MICAL3: variants seen among roughly 807,000 people sequenced by gnomAD.
MICAL3 encodes the protein [F-actin]-monooxygenase MICAL3.
Under a neutral mutation model 207.4 loss-of-function variants are expected in MICAL3, and 62 were observed. That is an observed-to-expected ratio of 0.30 (90% CI 0.24 to 0.37). MICAL3 has a LOEUF of 0.37. Ranked by LOEUF, MICAL3 falls within the 10% of genes least tolerant of loss-of-function variation. The pLI is 1.00. For missense variants in MICAL3, 2,368 were observed against 2,635.6 expected, an observed-to-expected ratio of 0.90 and a Z score of 2.22; for synonymous variants, 1,077 against 1,069.3, an observed-to-expected ratio of 1.01 and a Z score of -0.14.
intron 23 of MICAL3, 47 bp from the exon 24 acceptor site, chr22:17,822,217 C>T (rs751369575): frequency 7.0e-6 from 11 of 1,581,624 alleles, no homozygotes; most frequent in Non-Finnish European, 9.5e-6. Context: ...TAAGTGAGGC[C>T]AACTCCTTTT....
At chr22:17,877,370 G>A in intron 16 of MICAL3, among the ~76,000 whole-genome samples, 4 of 103,102 alleles carry the variant, frequency 3.9e-5, no homozygotes, top group Non-Finnish European at 5.6e-5. Flanking sequence ...TGGAGGTTAG[G>A]GAGGTGAGGG....
intron 16 of MICAL3, among the ~76,000 whole-genome samples, chr22:17,885,231 C>G (rs1179455195): frequency 6.6e-6 from 1 of 152,154 alleles, no homozygotes; most frequent in Non-Finnish European, 1.5e-5. Context: ...CGGGAAACAG[C>G]TGCAACACAC....
rs1276331403 is a variant in MICAL3 at position 17,789,371 on chromosome 22, CTTCT to C, written c.*1357_*1360del. 6.6e-6 allele frequency: 1 copy of C among 152,232 alleles called. No individual in the cohort carries two copies. The highest frequency in any genetic ancestry group is 1.5e-5 in the Non-Finnish European group (1 of 68,048). 9.4% of individuals were successfully genotyped at this position (152,232 alleles called of 1,614,324 possible). A position where few individuals can be genotyped will look rare whatever the true frequency, so the allele number is the denominator to read the frequency against. On this transcript the variant is annotated 3_prime_UTR_variant, in exon 32 of 32. Transcript: ENST00000441493. ...TGTGGATGAGGGCCCATCCTGAAAC[CTTCT>C]TTAACATATGTGCGGAGGAAGGTGA...
intron 16 of MICAL3, among the ~76,000 whole-genome samples, chr22:17,874,111 G>A (rs1362768015): frequency 2.0e-5 from 3 of 152,230 alleles, no homozygotes; most frequent in African/African-American, 4.8e-5. Flanking sequence ...CACACACGAC[G>A]AAGCCGTTCT....
intron 10 of MICAL3, among the ~76,000 whole-genome samples, chr22:17,895,048 T>C (rs1930711729): frequency 6.6e-6 from 1 of 152,232 alleles, no homozygotes; most frequent in African/African-American, 2.4e-5. Flanking sequence ...CATAAAGGCC[T>C]GGATTCCTAT....
At position 17,936,889 on chromosome 22, in the gene MICAL3, C is replaced by T. The variant is rs145168427; in HGVS notation, c.-74-30003G>A. ...GTGTGCAGGACAAGAGGGAACAGCA[C>T]GTGCTTGGTCTTGACTCCTTTGGTA... is the stretch of plus-strand genomic sequence containing the variant. On this transcript the variant is annotated intron_variant, in intron 1 of 31. Transcript: ENST00000441493. Among the ~76,000 whole-genome samples, 85 of 152,310 alleles carry T rather than the reference C, an allele frequency of 5.6e-4. 1 individual carries two copies. In the East Asian group the frequency reaches 0.015, roughly 27 times the overall value.
intron 1 of MICAL3, among the ~76,000 whole-genome samples, chr22:17,914,830 T>G (rs888651319): frequency 1.3e-5 from 2 of 152,216 alleles, no homozygotes; most frequent in African/African-American, 4.8e-5. Context: ...GTTGGCATTC[T>G]GCGGCAGGCT....
chr22:18,018,793 T>TACACACAC (rs371539980), intron 1 of MICAL3, among the ~76,000 whole-genome samples: 11 of 150,560 alleles, frequency 7.3e-5, no homozygotes, highest in African/African-American at 2.7e-4. Context: ...CATACACACA[T>TACACACAC]ACACACACAC....
chr22:17,961,413 C>T (rs1433454422), intron 1 of MICAL3, among the ~76,000 whole-genome samples: 2 of 152,150 alleles, frequency 1.3e-5, no homozygotes, highest in Admixed American at 6.5e-5. Context: ...CAGCCCCGGG[C>T]AACAGACACC....
intron 20 of MICAL3, 33 bp from the exon 21 acceptor site, chr22:17,832,140 GGAAT>G (rs751569752): frequency 1.9e-5 from 30 of 1,550,522 alleles, no homozygotes; most frequent in Non-Finnish European, 2.6e-5. Flanking sequence ...CCAGAGTGAG[GGAAT>G]GAAGAAAAAC....
intron 16 of MICAL3, chr22:17,875,405 G>T: frequency 1.6e-6 from 2 of 1,282,582 alleles, no homozygotes; most frequent in Non-Finnish European, 1.1e-6. Context: ...GTGAGTGGAG[G>T]CTGCGGAGGG....
intron 25 of MICAL3, among the ~76,000 whole-genome samples, chr22:17,819,679 C>T (rs1216394697): frequency 6.6e-6 from 1 of 152,136 alleles, no homozygotes; most frequent in East Asian, 1.9e-4. Flanking sequence ...GTGGCTCACA[C>T]CTGTAATCCC....
Position 17,815,266 on chromosome 22 carries a change from T to C in MICAL3, c.5445+1424A>G, listed in dbSNP as rs1336200158. On this transcript the variant is annotated intron_variant, in intron 27 of 31. Transcript: ENST00000441493. ...GGGGAGGCTCACCAAGTACCAGCCT[T>C]GGCACAGCCAACCCAGGCAGTAGGT... 3 of 152,260 alleles carry C rather than the reference T, an allele frequency of 2.0e-5. No homozygotes were observed. The East Asian group carries it at 5.8e-4, about 29-fold the overall frequency. The allele number at this position is 152,260 out of a possible 1,614,324, so 9.4% of individuals were successfully genotyped here. A position where few individuals can be genotyped will look rare whatever the true frequency, so the allele number is the denominator to read the frequency against.
intron 16 of MICAL3, among the ~76,000 whole-genome samples, chr22:17,878,699 A>G (rs1929125077): frequency 6.6e-6 from 1 of 152,198 alleles, no homozygotes; most frequent in Non-Finnish European, 1.5e-5. Flanking sequence ...CAAAAGTTTC[A>G]TAAAGTAAGC....
intron 1 of MICAL3, among the ~76,000 whole-genome samples, chr22:17,925,587 G>T (rs1932901114): frequency 6.6e-6 from 1 of 152,192 alleles, no homozygotes; most frequent in African/African-American, 2.4e-5. Flanking sequence ...AGAAAGCTGA[G>T]GAGGTCACAG....
At chr22:17,950,337 GTTTTT>G (rs764642603) in intron 1 of MICAL3, among the ~76,000 whole-genome samples, 4 of 89,332 alleles carry the variant, frequency 4.5e-5, no homozygotes, top group African/African-American at 1.1e-4. Context: ...TTTTGTTTTT[GTTTTT>G]TTTTTTTTTT....
In MICAL3 at chr22:17,827,702, GA is replaced by G. The variant is rs1463760936; in HGVS notation, c.3134del (p.Ile1045ThrfsTer28). ...EIQADVHWTH[I>X]REREEEERMA... ...TCCTCTCTTCCTCCTCTCTCTCACG[GA>G]TATGAGTCCAGTGCACGTCAGCCTG... is the stretch of plus-strand genomic sequence containing the variant. On this transcript the variant is annotated frameshift_variant, in exon 22 of 32. Coordinates refer to ENST00000441493, the MANE Select transcript of MICAL3 (RefSeq NM_015241.3). LOFTEE classifies it high-confidence loss of function. The G allele has an allele frequency of 6.3e-7, 1 of 1,581,786 alleles. No individual in the cohort carries two copies. Among genetic ancestry groups the G allele is most frequent in the East Asian group, 2.3e-5 (1 of 42,972 alleles).
Position 17,841,692 on chromosome 22 carries a change from G to T in MICAL3, c.2801+130C>A. 1 of 876,674 alleles carries T rather than the reference G, an allele frequency of 1.1e-6. No individual in the cohort carries two copies. The highest frequency in any genetic ancestry group is 1.8e-6 in the Non-Finnish European group (1 of 564,866). 54.3% of individuals were successfully genotyped at this position (876,674 alleles called of 1,614,324 possible). ...AGGCTAAGAACCTAAAAGGGACTGG[G>T]GAGAATGGACTGCGGGCAGCAGGAA... is the stretch of plus-strand genomic sequence containing the variant. On this transcript the variant is annotated intron_variant, in intron 20 of 31. Transcript: ENST00000441493. This position sits in a 1 kb window ranked among gnomAD's most constrained non-coding sequence, Gnocchi z 4.2.
At chr22:17,961,958 C>T (rs1429568864) in intron 1 of MICAL3, among the ~76,000 whole-genome samples, 1 of 152,190 alleles carries the variant, frequency 6.6e-6, no homozygotes, top group Non-Finnish European at 1.5e-5. Context: ...CTTTCCTAGG[C>T]AAATCCATAC....
Sources: gnomAD v4.1 joint callset for allele counts (sites outside exome capture counted in the v4.1 genomes callset) on GRCh38, gnomAD v4.1.1 for gene constraint, Gnocchi (gnomAD v3.1) non-coding constraint, MANE v1.5 for transcripts, NCBI Gene and HGNC (gene_info 2026-07-23, HGNC 2026-07-21) for gene names.